Variants in PAX7 observed in about 807,000 individuals in gnomAD.
PAX7 encodes the protein paired box 7, also known as paired box protein Pax-7.
In PAX7, 18 loss-of-function variants were observed where a neutral mutation model predicts 50.7. That is an observed-to-expected ratio of 0.36 (90% CI 0.25 to 0.53). PAX7 has a LOEUF of 0.53. Among genes scored for constraint, PAX7 ranks in the 20% least tolerant of loss-of-function variants. The pLI, the probability that PAX7 is intolerant of heterozygous loss-of-function variation, is 0.93. For synonymous variants in PAX7, 310 were observed against 290.4 expected (o/e 1.07, Z -0.69); for missense variants, 644 against 702.9 (o/e 0.92, Z 0.95).
intron 4 of PAX7, among the ~76,000 whole-genome samples, chr1:18,660,005 G>C (rs922710721): frequency 1.3e-5 from 2 of 152,232 alleles, no homozygotes; most frequent in East Asian, 3.9e-4. Context: ...CTTGCGTGGG[G>C]TGGTTGAGGG....
In PAX7 at chr1:18,744,981, C is replaced by T; in HGVS notation, c.*52C>T. ...CAATTCCCAGCCCAACCCTAACTGACCCCTGAGCTTCCCAGCCTTGCCGCC... is the reference window on the plus strand; with the variant it reads ...CAATTCCCAGCCCAACCCTAACTGATCCCTGAGCTTCCCAGCCTTGCCGCC... On this transcript the variant is annotated 3_prime_UTR_variant, in exon 9 of 9. Coordinates refer to ENST00000420770, the MANE Select transcript of PAX7 (RefSeq NM_001135254.2). The T allele has an allele frequency of 9.2e-7, 1 of 1,081,772 alleles. No homozygotes were observed. Among genetic ancestry groups the T allele is most frequent in the South Asian group, 1.4e-5 (1 of 72,942 alleles). The allele number at this position is 1,081,772 out of a possible 1,614,324, so 67.0% of individuals were successfully genotyped here.
intron 7 of PAX7, among the ~76,000 whole-genome samples, chr1:18,734,327 C>T (rs560773908): frequency 3.0e-4 from 45 of 152,230 alleles, no homozygotes; most frequent in Admixed American, 1.8e-3. Context: ...CCATAAAGGG[C>T]GGCATCACCA....
chr1:18,744,952 A>AGGG lies in PAX7; in HGVS notation c.*24_*25insGGG. ...TAGGGCCCCTGGGGCGACTTGCCCC[A>AGGG]GCCCAATTCCCAGCCCAACCCTAAC... is the stretch of plus-strand genomic sequence containing the variant. On this transcript the variant is annotated 3_prime_UTR_variant, in exon 9 of 9. Transcript: ENST00000420770. 7.3e-7 allele frequency: 1 copy of AGGG among 1,376,810 alleles called. No homozygotes were observed. Among genetic ancestry groups the AGGG allele is most frequent in the Non-Finnish European group, 1.0e-6 (1 of 988,012 alleles). The allele number at this position is 1,376,810 out of a possible 1,614,324, so 85.3% of individuals were successfully genotyped here.
intron 4 of PAX7, among the ~76,000 whole-genome samples, chr1:18,638,749 C>T (rs191980786): frequency 6.6e-6 from 1 of 152,230 alleles, no homozygotes; most frequent in Admixed American, 6.5e-5. Flanking sequence ...TGAGAGAGGG[C>T]CATCTATCCA....
At position 18,634,048 on chromosome 1, in the gene PAX7, T is replaced by C. The variant is rs2088104024; in HGVS notation, c.86-255T>C. On this transcript the variant is annotated intron_variant, in intron 1 of 8. Coordinates refer to ENST00000420770, the MANE Select transcript of PAX7 (RefSeq NM_001135254.2). The surrounding 1 kb of genome is among the most constrained non-coding windows in gnomAD (Gnocchi z 4.0). ...TCATCCCTCGTAGTGTGGCAGGAGT[T>C]GGGGGACACAGCATCTGGGGAGACT... Among the ~76,000 whole-genome samples, 1 of 152,194 alleles carries C rather than the reference T, an allele frequency of 6.6e-6. No individual in the cohort carries two copies. The highest frequency in any genetic ancestry group is 6.5e-5 in the Admixed American group (1 of 15,286).
intron 7 of PAX7, among the ~76,000 whole-genome samples, chr1:18,704,099 T>C (rs1440645502): frequency 2.0e-5 from 3 of 152,176 alleles, no homozygotes; most frequent in Non-Finnish European, 2.9e-5. Context: ...GCCAAGTAAA[T>C]ATTAGTTCTC....
intron 3 of PAX7, among the ~76,000 whole-genome samples, chr1:18,635,627 G>A (rs1309542147): frequency 6.6e-6 from 1 of 152,084 alleles, no homozygotes; most frequent in African/African-American, 2.4e-5. Flanking sequence ...CCCCCCTGGA[G>A]GCTTTTTCGG....
chr1:18,740,358 G>A (rs915993915), intron 8 of PAX7, among the ~76,000 whole-genome samples: 3 of 152,102 alleles, frequency 2.0e-5, no homozygotes, highest in Admixed American at 6.6e-5. Flanking sequence ...TGGGCTGGTC[G>A]CTGGGAGAGG....
In PAX7 at chr1:18,700,337, G is replaced by C. The variant is rs1196958000; in HGVS notation, c.787-316G>C. Among the ~76,000 whole-genome samples the C allele has an allele frequency of 1.3e-5, 2 of 152,124 alleles. No individual in the cohort carries two copies. Among genetic ancestry groups the C allele is most frequent in the Non-Finnish European group, 2.9e-5 (2 of 68,014 alleles). On this transcript the variant is annotated intron_variant, in intron 5 of 8. Coordinates refer to ENST00000420770, the MANE Select transcript of PAX7 (RefSeq NM_001135254.2). The surrounding 1 kb of genome is among the most constrained non-coding windows in gnomAD (Gnocchi z 4.8). Reference sequence around the variant, plus strand: ...TGCAGAGGAAAGAGCACTGGCCTGAGAGCCACACAGGACTGGCTGGACCAC... The same window carrying C: ...TGCAGAGGAAAGAGCACTGGCCTGACAGCCACACAGGACTGGCTGGACCAC...
intron 7 of PAX7, among the ~76,000 whole-genome samples, chr1:18,729,835 C>T (rs531669073): frequency 6.6e-6 from 1 of 152,194 alleles, no homozygotes; most frequent in African/African-American, 2.4e-5. Flanking sequence ...TTCCAGTGTG[C>T]AGGCCCCAGC....
At chr1:18,661,639 G>A (rs2088600976) in intron 4 of PAX7, among the ~76,000 whole-genome samples, 1 of 152,256 alleles carries the variant, frequency 6.6e-6, no homozygotes, top group African/African-American at 2.4e-5. Context: ...GTCGGACAAA[G>A]CCACGTGTGG....
In PAX7 at chr1:18,746,106, G is replaced by C. The variant is rs758234493; in HGVS notation, c.*1177G>C. 4.3e-6 allele frequency: 1 copy of C among 231,978 alleles called. No individual in the cohort carries two copies. Among genetic ancestry groups the C allele is most frequent in the Non-Finnish European group, 8.5e-6 (1 of 117,264 alleles). 14.4% of individuals were successfully genotyped at this position (231,978 alleles called of 1,614,324 possible). ...GCAGAGAGCTACCCTCAGAGCTTTG[G>C]AGGAGGGTTGTAGACTGGGCAGGGA... is the stretch of plus-strand genomic sequence containing the variant. On this transcript the variant is annotated 3_prime_UTR_variant, in exon 9 of 9. Transcript: ENST00000420770.
At chr1:18,694,937 ACTG>A (rs1480696173) in intron 5 of PAX7, among the ~76,000 whole-genome samples, 1 of 152,166 alleles carries the variant, frequency 6.6e-6, no homozygotes, top group Non-Finnish European at 1.5e-5. Context: ...CCCCCTGAGT[ACTG>A]CTTACATTGT....
At chr1:18,737,683 G>A (rs115079130) in intron 8 of PAX7, among the ~76,000 whole-genome samples, 2,576 of 152,364 alleles carry the variant, frequency 0.017, 85 homozygotes, top group African/African-American at 0.059. Flanking sequence ...TGAGCATATT[G>A]TGCATACATG....
rs777298894 is a variant in PAX7 at position 18,685,538 on chromosome 1, C to G, written c.587-6216C>G. On this transcript the variant is annotated intron_variant, in intron 4 of 8. Transcript: ENST00000420770. ...AATCACCTTGGATGGGCCCAGGAAG[C>G]CTTGCTGGGGGAGGTGGCCCAAGAG... is the stretch of plus-strand genomic sequence containing the variant. Among the ~76,000 whole-genome samples, 211 of 152,314 alleles carry G rather than the reference C, an allele frequency of 1.4e-3. 1 individual carries two copies. The highest frequency in any genetic ancestry group is 5.1e-4 in the Non-Finnish European group (35 of 68,026).
intron 7 of PAX7, among the ~76,000 whole-genome samples, chr1:18,705,463 G>A (rs2089271205): frequency 6.6e-6 from 1 of 152,188 alleles, no homozygotes; most frequent in African/African-American, 2.4e-5. Context: ...TTGCTTTGGA[G>A]ATGGAGGGCC....
At chr1:18,717,044 C>T (rs2089434739) in intron 7 of PAX7, among the ~76,000 whole-genome samples, 2 of 151,928 alleles carry the variant, frequency 1.3e-5, no homozygotes, top group Non-Finnish European at 2.9e-5. Flanking sequence ...GCTCCGCCGC[C>T]GCCGCCGTCG....
At chr1:18,637,181 G>C (rs1412063875) in intron 4 of PAX7, among the ~76,000 whole-genome samples, 1 of 152,178 alleles carries the variant, frequency 6.6e-6, no homozygotes, top group Admixed American at 6.5e-5. Context: ...GCGCCCGGAA[G>C]CCCGGGAAAG....
At chr1:18,666,619 G>T (rs762308666) in intron 4 of PAX7, among the ~76,000 whole-genome samples, 27 of 152,178 alleles carry the variant, frequency 1.8e-4, no homozygotes, top group African/African-American at 6.3e-4. Flanking sequence ...AAAGGCTTTG[G>T]GGTGGGGGAA....
Sources: gnomAD v4.1 joint callset for allele counts (sites outside exome capture counted in the v4.1 genomes callset) on GRCh38, gnomAD v4.1.1 for gene constraint, Gnocchi (gnomAD v3.1) non-coding constraint, MANE v1.5 for transcripts, NCBI Gene and HGNC (gene_info 2026-07-23, HGNC 2026-07-21) for gene names.